The following PHACTR3 variants were observed in gnomAD, a reference collection of about 807,000 sequenced individuals.
The protein encoded by PHACTR3 is protein phosphatase 1, regulatory subunit 123.
In PHACTR3, 16 loss-of-function variants were observed where a neutral mutation model predicts 66.8. That is an observed-to-expected ratio of 0.24 (90% CI 0.16 to 0.36). The LOEUF (loss-of-function observed/expected upper bound fraction) is 0.36. Among genes scored for constraint, PHACTR3 ranks in the 10% least tolerant of loss-of-function variants. The pLI, the probability that PHACTR3 is intolerant of heterozygous loss-of-function variation, is 1.00. For missense variants in PHACTR3, 647 were observed against 719.9 expected, an observed-to-expected ratio of 0.90 and a Z score of 1.16; for synonymous variants, 323 against 292.1, an observed-to-expected ratio of 1.11 and a Z score of -1.08.
chr20:59,609,174 C>T (rs981854252), intron 1 of PHACTR3, among the ~76,000 whole-genome samples: 1 of 152,202 alleles, frequency 6.6e-6, no homozygotes, highest in African/African-American at 2.4e-5. Flanking sequence ...GCTTTACTGC[C>T]TGGAGAGGGA....
chr20:59,703,207 C>T lies in PHACTR3; in HGVS notation c.119-39900C>T, dbSNP rs574370686. On this transcript the variant is annotated intron_variant, in intron 1 of 12. Transcript: ENST00000371015. The stretch of plus-strand genomic sequence containing the variant: ...TCCAAGCATGAATAGCCTTTTTTTT[C>T]GGTATGGTGAATTATCTACAGTTAG... Among the ~76,000 whole-genome samples, 120 of 151,782 alleles carry T rather than the reference C, an allele frequency of 7.9e-4. 1 individual carries two copies. The highest frequency in any genetic ancestry group is 2.5e-3 in the African/African-American group (102 of 41,388).
intron 1 of PHACTR3, among the ~76,000 whole-genome samples, chr20:59,610,788 C>T (rs1203431916): frequency 6.6e-6 from 1 of 152,198 alleles, no homozygotes; most frequent in Admixed American, 6.5e-5. Flanking sequence ...TAGCACTGTG[C>T]TAACACTTGG....
At chr20:59,816,007 A>G (rs1312601311) in intron 8 of PHACTR3, among the ~76,000 whole-genome samples, 1 of 152,056 alleles carries the variant, frequency 6.6e-6, no homozygotes, top group Non-Finnish European at 1.5e-5. Context: ...CATTACCTTT[A>G]TTGTACAGTT....
chr20:59,667,189 G>A (rs370449049), intron 1 of PHACTR3, among the ~76,000 whole-genome samples: 160 of 152,354 alleles, frequency 1.1e-3, no homozygotes, highest in Non-Finnish European at 1.7e-3. Flanking sequence ...CTAATGGTGA[G>A]ATGAGGTGAT....
At chr20:59,590,085 G>C (rs930313849) in intron 1 of PHACTR3, among the ~76,000 whole-genome samples, 1 of 152,214 alleles carries the variant, frequency 6.6e-6, no homozygotes. Context: ...TATGGTACTG[G>C]TGAGTGTGTG....
intron 8 of PHACTR3, 56 bp downstream of exon 8, chr20:59,806,250 C>A (rs2041565754): frequency 2.5e-6 from 4 of 1,580,726 alleles, no homozygotes; most frequent in Non-Finnish European, 2.6e-6. Flanking sequence ...GCAGGCGGAG[C>A]CCCTCTGAGA....
chr20:59,841,545 T>C lies in PHACTR3; in HGVS notation c.1587+10T>C. 1 of 1,609,680 alleles carries C rather than the reference T, an allele frequency of 6.2e-7. No individual in the cohort carries two copies. The highest frequency in any genetic ancestry group is 8.5e-7 in the Non-Finnish European group (1 of 1,178,066). Reference sequence around the variant, plus strand: ...GTCAGCAGCAGATAAGGTACCTAACTGCCTGTGCTGGTGGGGGGTGTTGGA... The same window carrying C: ...GTCAGCAGCAGATAAGGTACCTAACCGCCTGTGCTGGTGGGGGGTGTTGGA... On this transcript the variant is annotated intron_variant, in intron 11 of 12. Transcript: ENST00000371015.
chr20:59,607,893 C>T (rs1213881246), intron 1 of PHACTR3, among the ~76,000 whole-genome samples: 2 of 152,286 alleles, frequency 1.3e-5, no homozygotes, highest in African/African-American at 4.8e-5. Flanking sequence ...CCACTACAGA[C>T]AACACAGCTG....
At chr20:59,760,162 C>A (rs978923523) in intron 4 of PHACTR3, among the ~76,000 whole-genome samples, 1 of 152,150 alleles carries the variant, frequency 6.6e-6, no homozygotes, top group Non-Finnish European at 1.5e-5. Flanking sequence ...GCAGCTTCCC[C>A]GTGCCCCAAC....
intron 1 of PHACTR3, among the ~76,000 whole-genome samples, chr20:59,707,745 C>A (rs1045331343): frequency 6.6e-6 from 1 of 152,058 alleles, no homozygotes; most frequent in Non-Finnish European, 1.5e-5. Context: ...GGATTACAGG[C>A]GTGAGCCCCC....
intron 10 of PHACTR3, 136 bp downstream of exon 10, chr20:59,840,566 TTA>T: frequency 7.4e-7 from 1 of 1,344,492 alleles, no homozygotes; most frequent in Non-Finnish European, 1.0e-6. Flanking sequence ...ATGGCATCAG[TTA>T]AATCAGGATA....
intron 1 of PHACTR3, among the ~76,000 whole-genome samples, chr20:59,730,948 T>C (rs942514743): frequency 6.6e-6 from 1 of 152,148 alleles, no homozygotes; most frequent in Non-Finnish European, 1.5e-5. Context: ...GCAAAGTGAG[T>C]GAGGGACGCA....
intron 1 of PHACTR3, among the ~76,000 whole-genome samples, chr20:59,735,635 C>T (rs893737431): frequency 2.6e-5 from 4 of 152,130 alleles, no homozygotes; most frequent in Non-Finnish European, 5.9e-5. Context: ...CTGGCTCCAG[C>T]GTTTGGCAGC....
intron 1 of PHACTR3, among the ~76,000 whole-genome samples, chr20:59,616,518 G>A (rs1431466495): frequency 1.3e-5 from 2 of 152,238 alleles, no homozygotes; most frequent in Non-Finnish European, 2.9e-5. Context: ...CATGCACCGG[G>A]AAGCTCCGCT....
At chr20:59,789,993 A>G (rs1956687743) in intron 7 of PHACTR3, among the ~76,000 whole-genome samples, 1 of 152,254 alleles carries the variant, frequency 6.6e-6, no homozygotes, top group Non-Finnish European at 1.5e-5. Context: ...CATCTCTGTA[A>G]TTATGTCCTT....
At chr20:59,733,497 A>G (rs1471096948) in intron 1 of PHACTR3, among the ~76,000 whole-genome samples, 1 of 152,076 alleles carries the variant, frequency 6.6e-6, no homozygotes, top group Non-Finnish European at 1.5e-5. Flanking sequence ...ATGTTGCTTT[A>G]AAGGTTAACT....
chr20:59,665,863 G>T (rs2035968013), intron 1 of PHACTR3, among the ~76,000 whole-genome samples: 1 of 152,194 alleles, frequency 6.6e-6, no homozygotes, highest in Non-Finnish European at 1.5e-5. Context: ...GTTATCAGAA[G>T]TGGGGTTGGC....
At chr20:59,840,482 C>G (rs768294768) in intron 10 of PHACTR3, 52 bp downstream of exon 10, 13 of 1,604,736 alleles carry the variant, frequency 8.1e-6, no homozygotes, top group South Asian at 1.1e-5. Flanking sequence ...TAGAGAACAG[C>G]TGCTTCGGTA....
chr20:59,709,441 T>A (rs1371710818), intron 1 of PHACTR3, among the ~76,000 whole-genome samples: 1 of 152,250 alleles, frequency 6.6e-6, no homozygotes, highest in Non-Finnish European at 1.5e-5. Flanking sequence ...CCTTTTTGGC[T>A]TTCTTTTGTT....
Sources: allele counts gnomAD v4.1 joint callset (sites outside exome capture counted in the v4.1 genomes callset), GRCh38; gene constraint gnomAD v4.1.1; transcripts MANE v1.5; gene names NCBI Gene and HGNC (gene_info 2026-07-23, HGNC 2026-07-21).